Variants in B4GALNT2 observed in about 807,000 individuals in gnomAD.
B4GALNT2 encodes the protein beta-1,4-N-acetyl-galactosaminyltransferase 2 (SID blood group).
A neutral mutation model predicts 51.1 loss-of-function variants in B4GALNT2; 42 were observed. That is an observed-to-expected ratio of 0.82 (90% CI 0.64 to 1.06). The LOEUF is 1.06. B4GALNT2 is among the 50% of genes least tolerant of loss of function. B4GALNT2 has a pLI of 0.00. For synonymous variants in B4GALNT2, 253 were observed against 251.7 expected (o/e 1.01, Z -0.05); for missense variants, 602 against 633.6 (o/e 0.95, Z 0.54).
upstream of B4GALNT2, among the ~76,000 whole-genome samples, chr17:49,131,016 G>C (rs1254573243): frequency 6.6e-6 from 1 of 152,162 alleles, no homozygotes; most frequent in African/African-American, 2.4e-5. Context: ...ACTGGCTTTA[G>C]AGACACAACT....
chr17:49,127,227 T>G, the B4GALNT2 span, among the ~76,000 whole-genome samples: 1 of 152,216 alleles, frequency 6.6e-6, no homozygotes. Flanking sequence ...CACTAAACAG[T>G]TCAAGGTGTA....
chr17:49,132,606 A>G (rs4416056), upstream of B4GALNT2: 278,773 of 526,064 alleles, frequency 0.53, 76,813 homozygotes, highest in Non-Finnish European at 0.56. Flanking sequence ...GGAGGAGAAA[A>G]GTCCAGGGTA....
the B4GALNT2 span, among the ~76,000 whole-genome samples, chr17:49,121,546 G>A: frequency 3.9e-4 from 60 of 152,300 alleles, no homozygotes; most frequent in East Asian, 1.9e-3. Flanking sequence ...CTTTGGCCCC[G>A]CAAGACCAGT....
At chr17:49,137,803 G>A (rs889641027) in intron 1 of B4GALNT2, among the ~76,000 whole-genome samples, 1 of 152,112 alleles carries the variant, frequency 6.6e-6, no homozygotes, top group Non-Finnish European at 1.5e-5. Context: ...TGTAATGTCT[G>A]GAGATATTAA....
At chr17:49,133,233 C>CG in intron 1 of B4GALNT2, 1 of 1,471,314 alleles carries the variant, frequency 6.8e-7, no homozygotes. Flanking sequence ...TGTGAGTGCC[C>CG]GGGCGCGGGG....
intron 3 of B4GALNT2, among the ~76,000 whole-genome samples, chr17:49,146,363 C>T (rs529855471): frequency 3.3e-5 from 5 of 152,054 alleles, no homozygotes; most frequent in African/African-American, 7.2e-5. Flanking sequence ...CAGGCTGGAG[C>T]GCAATGGCAC....
rs1418241906 is a variant in B4GALNT2, at chr17:49,134,072, C to A, written c.14+1266C>A. 2.0e-5 allele frequency among the ~76,000 whole-genome samples: 3 copies of A among 152,172 alleles called. No homozygotes were observed. In the East Asian group the frequency reaches 5.8e-4, roughly 29 times the overall value. ...CAGCGTTCCCCTTCCCCAACTTCCC[C>A]CACTCCACAATCCTTCATGGGTGAC... On this transcript the variant is annotated intron_variant, in intron 1 of 10. Coordinates refer to ENST00000393354, the MANE Select transcript of B4GALNT2 (RefSeq NM_001159387.2).
chr17:49,157,013 T>C (rs752161989), intron 5 of B4GALNT2, among the ~76,000 whole-genome samples: 1 of 152,188 alleles, frequency 6.6e-6, no homozygotes, highest in Non-Finnish European at 1.5e-5. Context: ...GGGATGCAAA[T>C]TGTGCCCAGA....
intron 3 of B4GALNT2, 25 bp downstream of exon 3, chr17:49,142,197 G>C (rs1197212213): frequency 1.2e-6 from 2 of 1,613,606 alleles, no homozygotes; most frequent in South Asian, 1.1e-5. Context: ...GAAGGCCCTT[G>C]GGTTCTGAGA....
chr17:49,123,903 C>T, the B4GALNT2 span, among the ~76,000 whole-genome samples: 1 of 152,174 alleles, frequency 6.6e-6, no homozygotes, highest in Non-Finnish European at 1.5e-5. Flanking sequence ...CAGCCAAAGC[C>T]TTGGTAAAAT....
At chr17:49,129,691 A>T (rs1446559542), upstream of B4GALNT2, among the ~76,000 whole-genome samples, 1 of 141,292 alleles carries the variant, frequency 7.1e-6, no homozygotes, top group Non-Finnish European at 1.6e-5. Context: ...AGCTTATCAC[A>T]AGCTTGGAAT....
chr17:49,132,672 A>T, upstream of B4GALNT2: 1 of 1,218,910 alleles, frequency 8.2e-7, no homozygotes. Flanking sequence ...GGCCGTCCCA[A>T]GCGTCCTGCA....
In B4GALNT2 at chr17:49,154,336, A is replaced by G. The variant is rs2042787631; in HGVS notation, c.460+1430A>G. 2.0e-5 allele frequency among the ~76,000 whole-genome samples: 3 copies of G among 152,236 alleles called. No individual in the cohort carries two copies. In the South Asian group the frequency reaches 6.2e-4, roughly 32 times the overall value. ...TGTGAAAAGAATATTTATGTTGGTT[A>G]AAACTGCCCTCCATGATGGATTTTT... is the stretch of plus-strand genomic sequence containing the variant. On this transcript the variant is annotated intron_variant, in intron 4 of 10. Transcript: ENST00000393354.
intron 3 of B4GALNT2, chr17:49,148,916 C>T (rs1181582354): frequency 7.7e-5 from 14 of 180,740 alleles, no homozygotes; most frequent in African/African-American, 1.9e-4. Flanking sequence ...ATTAGCTGGG[C>T]GTGGTGGCAT....
intron 9 of B4GALNT2, among the ~76,000 whole-genome samples, 187 bp downstream of exon 9, chr17:49,166,441 G>A (rs956798689): frequency 6.6e-5 from 10 of 151,968 alleles, no homozygotes; most frequent in Admixed American, 1.3e-4. Flanking sequence ...ACCAGCTCAC[G>A]CCTCCATACT....
intron 3 of B4GALNT2, among the ~76,000 whole-genome samples, chr17:49,151,863 T>A (rs1053705571): frequency 1.3e-5 from 2 of 152,186 alleles, no homozygotes; most frequent in Non-Finnish European, 2.9e-5. Flanking sequence ...TGATTTAGTT[T>A]ATTTATTATT....
At chr17:49,160,726 G>A in intron 7 of B4GALNT2, 85 bp downstream of exon 7, 3 of 1,286,476 alleles carry the variant, frequency 2.3e-6, no homozygotes, top group Non-Finnish European at 2.3e-6. Flanking sequence ...CTGAGACGGA[G>A]GAGAATTGAT....
the B4GALNT2 span, among the ~76,000 whole-genome samples, chr17:49,121,341 T>A: frequency 6.6e-6 from 1 of 152,304 alleles, no homozygotes; most frequent in Admixed American, 6.5e-5. Context: ...GCACTCCTCT[T>A]GGTAGGAATT....
chr17:49,131,921 T>G (rs2042542172), upstream of B4GALNT2, among the ~76,000 whole-genome samples: 2 of 152,120 alleles, frequency 1.3e-5, no homozygotes, highest in South Asian at 2.1e-4. Flanking sequence ...TTGCTTGAGC[T>G]TAGGAGTTCA....
Sources: gnomAD v4.1 joint callset for allele counts (sites outside exome capture counted in the v4.1 genomes callset) on GRCh38, gnomAD v4.1.1 for gene constraint, MANE v1.5 for transcripts, NCBI Gene and HGNC (gene_info 2026-07-23, HGNC 2026-07-21) for gene names.